The following WWC1 variants were observed in gnomAD, a reference collection of about 807,000 sequenced individuals.
WWC1 encodes protein KIBRA.
In WWC1, 55 loss-of-function variants were observed where a neutral mutation model predicts 138.4. The observed-to-expected ratio is 0.40, with a 90% CI of 0.32 to 0.50. WWC1 has a LOEUF of 0.50. Among genes scored for constraint, WWC1 ranks in the 20% least tolerant of loss-of-function variants. WWC1 has a pLI of 0.72. For synonymous variants in WWC1, 524 were observed against 564.9 expected (o/e 0.93, Z 1.03); for missense variants, 1,226 against 1,420.4 (o/e 0.86, Z 2.20).
At chr5:168,453,831 C>T (rs1756052812) in intron 17 of WWC1, 137 bp from the exon 18 acceptor site, 2 of 1,460,334 alleles carry the variant, frequency 1.4e-6, no homozygotes, top group Admixed American at 2.7e-5. Flanking sequence ...CAGGTGTGAG[C>T]CTGGCCCCCC....
chr5:168,394,279 G>A (rs1778723418), intron 3 of WWC1, among the ~76,000 whole-genome samples: 1 of 152,222 alleles, frequency 6.6e-6, no homozygotes, highest in Admixed American at 6.5e-5. Context: ...GTGAGTTATG[G>A]GGATAGGGGT....
intron 1 of WWC1, among the ~76,000 whole-genome samples, chr5:168,307,037 G>A (rs1231955231): frequency 2.6e-5 from 4 of 152,202 alleles, no homozygotes; most frequent in Non-Finnish European, 5.9e-5. Context: ...CATATAGATC[G>A]CAGCCTGTGG....
At chr5:168,407,800 T>C (rs1779911175) in intron 6 of WWC1, among the ~76,000 whole-genome samples, 1 of 152,078 alleles carries the variant, frequency 6.6e-6, no homozygotes. Flanking sequence ...TTCACTAGTG[T>C]TTTATACTTG....
intron 9 of WWC1, among the ~76,000 whole-genome samples, chr5:168,420,210 T>G (rs960993346): frequency 6.6e-6 from 1 of 152,168 alleles, no homozygotes; most frequent in Non-Finnish European, 1.5e-5. Context: ...ACTTAAACAG[T>G]GGACATTTAT....
At chr5:168,328,069 A>G (rs1772710890) in intron 1 of WWC1, among the ~76,000 whole-genome samples, 1 of 152,236 alleles carries the variant, frequency 6.6e-6, no homozygotes, top group Non-Finnish European at 1.5e-5. Flanking sequence ...CTCCCAGCTA[A>G]CAGAAAGCAG....
At position 168,292,040 on chromosome 5, in the gene WWC1, C is replaced by A. The variant is rs1450402344; in HGVS notation, c.-113C>A. ...GGGCCCCCCATCTGCGGGCGCCACCCCCCGGATCATGGTGCCTCGGCGGCC... is the reference window on the plus strand; with the variant it reads ...GGGCCCCCCATCTGCGGGCGCCACCACCCGGATCATGGTGCCTCGGCGGCC... On this transcript the variant is annotated 5_prime_UTR_variant, in exon 1 of 23. Transcript: ENST00000265293. The surrounding 1 kb of genome is among the most constrained non-coding windows in gnomAD (Gnocchi z 4.4). 7.6e-7 allele frequency: 1 copy of A among 1,316,162 alleles called. No homozygotes were observed. Among genetic ancestry groups the A allele is most frequent in the African/African-American group, 1.6e-5 (1 of 63,796 alleles). 81.5% of individuals were successfully genotyped at this position (1,316,162 alleles called of 1,614,324 possible). A position where few individuals can be genotyped will look rare whatever the true frequency, so the allele number is the denominator to read the frequency against.
chr5:168,468,265 G>C (rs1757463574), intron 22 of WWC1, among the ~76,000 whole-genome samples: 1 of 152,308 alleles, frequency 6.6e-6, no homozygotes. Context: ...AATTGTGGAG[G>C]GTTGGCTGAA....
chr5:168,293,491 A>T (rs2152733745), intron 1 of WWC1, among the ~76,000 whole-genome samples: 1 of 152,334 alleles, frequency 6.6e-6, no homozygotes, highest in Non-Finnish European at 1.5e-5. Context: ...TTCTGGGAGC[A>T]CTTACTTTCA....
At chr5:168,363,114 C>T (rs1271715671) in intron 1 of WWC1, among the ~76,000 whole-genome samples, 4 of 152,076 alleles carry the variant, frequency 2.6e-5, no homozygotes, top group South Asian at 2.1e-4. Flanking sequence ...GAAGTGTTTA[C>T]GAGAAGAAGA....
At chr5:168,439,844 C>G (rs7712789) in intron 15 of WWC1, among the ~76,000 whole-genome samples, 49,060 of 152,070 alleles carry the variant, frequency 0.32, 9,598 homozygotes, top group African/African-American at 0.54. Context: ...TTTACATTTC[C>G]ACGAGCAAGG....
intron 6 of WWC1, among the ~76,000 whole-genome samples, chr5:168,407,044 A>G (rs1779852826): frequency 6.6e-6 from 1 of 152,100 alleles, no homozygotes; most frequent in African/African-American, 2.4e-5. Context: ...CTCCCACCTT[A>G]GCCTCCCAAA....
At chr5:168,310,552 G>A (rs899378038) in intron 1 of WWC1, among the ~76,000 whole-genome samples, 1 of 152,064 alleles carries the variant, frequency 6.6e-6, no homozygotes, top group East Asian at 1.9e-4. Flanking sequence ...TAAGTTGGAG[G>A]CCAGGCACAG....
intron 19 of WWC1, 102 bp from the exon 20 acceptor site, chr5:168,460,548 G>A: frequency 9.6e-7 from 1 of 1,040,802 alleles, no homozygotes. Context: ...AGGAGAGGAA[G>A]GACTGTGCCG....
chr5:168,292,307 C>A lies in WWC1; in HGVS notation c.119+36C>A. The A allele has an allele frequency of 1.3e-6, 2 of 1,553,830 alleles. No individual in the cohort carries two copies. Among genetic ancestry groups the A allele is most frequent in the African/African-American group, 1.4e-5 (1 of 73,082 alleles). On this transcript the variant is annotated intron_variant, in intron 1 of 22. Transcript: ENST00000265293. This position sits in a 1 kb window ranked among gnomAD's most constrained non-coding sequence, Gnocchi z 4.4. ...GGAACCCTCCTCCGTGCCCCCACACCCCCGCCTGGGCCCCCACCTGCCCCT... is the reference window on the plus strand; with the variant it reads ...GGAACCCTCCTCCGTGCCCCCACACACCCGCCTGGGCCCCCACCTGCCCCT...
At chr5:168,429,256 ATTTTTT>A (rs67280988) in intron 13 of WWC1, among the ~76,000 whole-genome samples, 2 of 116,376 alleles carry the variant, frequency 1.7e-5, no homozygotes, top group Non-Finnish European at 1.7e-5. Context: ...TATGATCTCA[ATTTTTT>A]TTTTTTTTTT....
chr5:168,357,493 T>TGTGTGTGTGC (rs1353607261), intron 1 of WWC1, among the ~76,000 whole-genome samples: 26 of 119,826 alleles, frequency 2.2e-4, no homozygotes, highest in African/African-American at 1.1e-3. Flanking sequence ...TGTGTGTGTG[T>TGTGTGTGTGC]GCGCGCGCGC....
At position 168,292,678 on chromosome 5, in the gene WWC1, T is replaced by G. The variant is rs1160873470; in HGVS notation, c.119+407T>G. 2.5e-4 allele frequency among the ~76,000 whole-genome samples: 33 copies of G among 131,306 alleles called. No homozygotes were observed. The highest frequency in any genetic ancestry group is 5.3e-4 in the South Asian group (2 of 3,802). The allele number at this position is 131,306 out of a possible 152,430, so 86.1% of individuals were successfully genotyped here. ...GGAGGCTTCCACCCAGCGTGGGGGGTGGGCGGATGGGGATGGGGAAGTGTC... is the reference window on the plus strand; with the variant it reads ...GGAGGCTTCCACCCAGCGTGGGGGGGGGGCGGATGGGGATGGGGAAGTGTC... On this transcript the variant is annotated intron_variant, in intron 1 of 22. Coordinates refer to ENST00000265293, the MANE Select transcript of WWC1 (RefSeq NM_015238.3). This position sits in a 1 kb window ranked among gnomAD's most constrained non-coding sequence, Gnocchi z 4.4.
At chr5:168,304,594 A>G (rs772111789) in intron 1 of WWC1, among the ~76,000 whole-genome samples, 2 of 152,258 alleles carry the variant, frequency 1.3e-5, no homozygotes, top group Non-Finnish European at 2.9e-5. Context: ...CTCATGTCCC[A>G]TGTCAGACCA....
At chr5:168,373,108 G>T (rs962682829) in intron 2 of WWC1, among the ~76,000 whole-genome samples, 2 of 152,188 alleles carry the variant, frequency 1.3e-5, no homozygotes, top group African/African-American at 4.8e-5. Context: ...AATTGAGTGT[G>T]TATGGGGAAT....
Sources: gnomAD v4.1 joint callset for allele counts (sites outside exome capture counted in the v4.1 genomes callset) on GRCh38, gnomAD v4.1.1 for gene constraint, Gnocchi (gnomAD v3.1) non-coding constraint, MANE v1.5 for transcripts, NCBI Gene and HGNC (gene_info 2026-07-23, HGNC 2026-07-21) for gene names.